The following IKZF3 variants were observed in gnomAD, a reference collection of about 807,000 sequenced individuals.
The protein encoded by IKZF3 is zinc finger protein Aiolos.
IKZF3 carries 10 observed loss-of-function variants against 49.0 expected under a neutral mutation model. That is an observed-to-expected ratio of 0.20 (90% CI 0.13 to 0.35). IKZF3 has a LOEUF of 0.35. IKZF3 is among the 10% of genes least tolerant of loss of function. The probability of loss-of-function intolerance (pLI) is 1.00; values close to 1 mark genes in which losing one functional copy is unlikely to be tolerated. For missense variants in IKZF3, 498 were observed against 664.8 expected (o/e 0.75, Z 2.76); for synonymous variants, 209 against 228.2 (o/e 0.92, Z 0.76).
At chr17:39,782,849 C>T (rs527929660) in intron 6 of IKZF3, among the ~76,000 whole-genome samples, 1 of 152,138 alleles carries the variant, frequency 6.6e-6, no homozygotes, top group Non-Finnish European at 1.5e-5. Flanking sequence ...CTTCACATTG[C>T]TTGCCTACTA....
intron 7 of IKZF3, among the ~76,000 whole-genome samples, chr17:39,776,066 C>A (rs754649870): frequency 5.0e-4 from 76 of 152,076 alleles, no homozygotes; most frequent in Non-Finnish European, 8.2e-4. Context: ...GCCTGGGCAA[C>A]ATGAGGAGAC....
chr17:39,847,054 T>C (rs1405484299), intron 1 of IKZF3, among the ~76,000 whole-genome samples: 1 of 152,176 alleles, frequency 6.6e-6, no homozygotes, highest in African/African-American at 2.4e-5. Context: ...GTTTATCTTA[T>C]CTAAAATGTT....
chr17:39,835,568 G>A, intron 1 of IKZF3: 1 of 435,098 alleles, frequency 2.3e-6, no homozygotes, highest in Non-Finnish European at 4.5e-6. Context: ...GGTGCATGCT[G>A]TCAGCCTTGG....
intron 3 of IKZF3, among the ~76,000 whole-genome samples, chr17:39,828,076 C>T (rs1004853998): frequency 6.6e-6 from 1 of 152,162 alleles, no homozygotes; most frequent in Non-Finnish European, 1.5e-5. Context: ...TCAGCTTTCT[C>T]TTTCCTACCA....
intron 3 of IKZF3, among the ~76,000 whole-genome samples, chr17:39,813,025 C>A (rs529606768): frequency 6.6e-6 from 1 of 152,040 alleles, no homozygotes; most frequent in South Asian, 2.1e-4. Flanking sequence ...TGGCGTGAAC[C>A]CGGGAGGTGG....
chr17:39,841,921 C>T (rs1312085549), intron 1 of IKZF3, among the ~76,000 whole-genome samples: 1 of 151,280 alleles, frequency 6.6e-6, no homozygotes, highest in Non-Finnish European at 1.5e-5. Context: ...TGAAGTGTGC[C>T]TGTAGTCCTA....
Position 39,832,104 on chromosome 17 carries a change from G to T in IKZF3, c.55C>A (p.Pro19Thr). The change falls in exon 2 of 8, where the codon CCC (proline) becomes ACC (threonine). Residue 19 changes from proline (P) to threonine (T), a missense_variant. This residue lies in a region of IKZF3 where 97 missense variants were observed against 98.9 expected (regional missense o/e 0.98). Coordinates refer to ENST00000346872, the MANE Select transcript of IKZF3 (RefSeq NM_012481.5). ...ELKSTQEQSV[P>T]AESAAVLNDY... ...AGGAAAGACCTGATGTTACCTGCGG[G>T]CACAGACTGCTCCTGAGTGCTTTTC... 6.2e-7 allele frequency: 1 copy of T among 1,610,896 alleles called. No homozygotes were observed. Among genetic ancestry groups the T allele is most frequent in the Non-Finnish European group, 8.5e-7 (1 of 1,177,670 alleles).
At chr17:39,795,313 G>A (rs1297010978) in intron 3 of IKZF3, among the ~76,000 whole-genome samples, 1 of 152,230 alleles carries the variant, frequency 6.6e-6, no homozygotes, top group Non-Finnish European at 1.5e-5. Context: ...GGCTTACATA[G>A]TTGCTGGTTT....
At chr17:39,842,955 GC>G (rs1364254564) in intron 1 of IKZF3, among the ~76,000 whole-genome samples, 2 of 152,152 alleles carry the variant, frequency 1.3e-5, no homozygotes, top group African/African-American at 4.8e-5. Context: ...TGATATTCCT[GC>G]CAAATATGCA....
intron 3 of IKZF3, among the ~76,000 whole-genome samples, chr17:39,828,629 G>A (rs1260064607): frequency 6.6e-6 from 1 of 152,200 alleles, no homozygotes; most frequent in Non-Finnish European, 1.5e-5. Context: ...AAAGTAGGGA[G>A]AGTACTGTGC....
intron 7 of IKZF3, among the ~76,000 whole-genome samples, chr17:39,771,767 T>G (rs535788803): frequency 1.7e-4 from 26 of 152,212 alleles, no homozygotes; most frequent in African/African-American, 4.8e-4. Flanking sequence ...TGAGACAAGG[T>G]CTCACTCTGT....
At chr17:39,801,721 T>A (rs1471542485) in intron 3 of IKZF3, among the ~76,000 whole-genome samples, 2 of 152,186 alleles carry the variant, frequency 1.3e-5, no homozygotes, top group Non-Finnish European at 2.9e-5. Flanking sequence ...ATGATATTTT[T>A]AGAACTAAAG....
At chr17:39,838,215 C>T (rs2062357766) in intron 1 of IKZF3, among the ~76,000 whole-genome samples, 1 of 152,130 alleles carries the variant, frequency 6.6e-6, no homozygotes, top group Admixed American at 6.5e-5. Flanking sequence ...CCATTCTCCT[C>T]CCCTTTTCCT....
intron 2 of IKZF3, among the ~76,000 whole-genome samples, chr17:39,830,485 G>A (rs973062795): frequency 2.0e-5 from 3 of 152,156 alleles, no homozygotes; most frequent in African/African-American, 7.2e-5. Flanking sequence ...ATAAGTGAAA[G>A]GGAGCAGACA....
At chr17:39,850,142 T>C (rs997985242) in intron 1 of IKZF3, among the ~76,000 whole-genome samples, 3 of 143,078 alleles carry the variant, frequency 2.1e-5, no homozygotes, top group Non-Finnish European at 4.5e-5. Flanking sequence ...CTATATAGCA[T>C]ATTATATATG....
intron 3 of IKZF3, among the ~76,000 whole-genome samples, chr17:39,824,393 G>A (rs919049967): frequency 2.0e-5 from 3 of 152,170 alleles, no homozygotes; most frequent in South Asian, 4.1e-4. Flanking sequence ...TGTCTCAGAT[G>A]AGACTTTGGA....
intron 3 of IKZF3, among the ~76,000 whole-genome samples, chr17:39,824,181 AAGG>A (rs1318824053): frequency 6.6e-6 from 1 of 152,234 alleles, no homozygotes; most frequent in Non-Finnish European, 1.5e-5. Context: ...CATGGAGTCA[AAGG>A]AGATCATTTT....
intron 3 of IKZF3, among the ~76,000 whole-genome samples, chr17:39,824,336 T>C (rs2061899697): frequency 6.6e-6 from 1 of 152,178 alleles, no homozygotes; most frequent in Non-Finnish European, 1.5e-5. Context: ...GGGAAGTAAC[T>C]AACTTGCTTT....
chr17:39,767,912 A>C (rs1201996442), intron 7 of IKZF3, among the ~76,000 whole-genome samples: 9 of 151,948 alleles, frequency 5.9e-5, no homozygotes, highest in Non-Finnish European at 1.3e-4. Flanking sequence ...AAAAATACAA[A>C]AATTAGCCAG....
Sources: gnomAD v4.1 joint callset for allele counts (sites outside exome capture counted in the v4.1 genomes callset) on GRCh38, gnomAD v4.1.1 for gene constraint, gnomAD v4.1.1 regional missense constraint, MANE v1.5 for transcripts, NCBI Gene and HGNC (gene_info 2026-07-23, HGNC 2026-07-21) for gene names.